Variants in CDH18 observed in about 807,000 individuals in gnomAD.
CDH18 encodes cadherin 18.
Under a neutral mutation model 67.9 loss-of-function variants are expected in CDH18, and 31 were observed. That is an observed-to-expected ratio of 0.46 (90% CI 0.34 to 0.62). The LOEUF (loss-of-function observed/expected upper bound fraction) is 0.62, where lower values mean the gene tolerates loss of function less well. Among genes scored for constraint, CDH18 ranks in the 20% least tolerant of loss-of-function variants. The pLI, the probability that CDH18 is intolerant of heterozygous loss-of-function variation, is 0.01. For synonymous variants in CDH18, 362 were observed against 347.2 expected, an observed-to-expected ratio of 1.04 and a Z score of -0.48; for missense variants, 890 against 975.5, an observed-to-expected ratio of 0.91 and a Z score of 1.17.
At chr5:20,430,459 C>T (rs902562302) in intron 1 of CDH18, among the ~76,000 whole-genome samples, 9 of 152,244 alleles carry the variant, frequency 5.9e-5, no homozygotes, top group African/African-American at 1.9e-4. Context: ...CATCTCACAA[C>T]ACAGGTTTTT....
chr5:20,296,354 G>C (rs981927683), intron 1 of CDH18, among the ~76,000 whole-genome samples: 5 of 151,324 alleles, frequency 3.3e-5, no homozygotes, highest in Admixed American at 6.6e-5. Context: ...CCGGGGTTCA[G>C]GCCATTCTCC....
chr5:20,090,230 T>C (rs1228609133), intron 2 of CDH18, among the ~76,000 whole-genome samples: 1 of 152,182 alleles, frequency 6.6e-6, no homozygotes, highest in African/African-American at 2.4e-5. Flanking sequence ...ATAATTTGAA[T>C]GAAGTATAAA....
intron 7 of CDH18, among the ~76,000 whole-genome samples, chr5:19,583,314 A>G (rs992183469): frequency 1.3e-5 from 2 of 152,134 alleles, no homozygotes; most frequent in African/African-American, 4.8e-5. Context: ...GCATATTTTG[A>G]TAAGTGAAAC....
chr5:19,758,219 A>G (rs796721306), intron 3 of CDH18, among the ~76,000 whole-genome samples: 4 of 152,344 alleles, frequency 2.6e-5, no homozygotes, highest in African/African-American at 9.6e-5. Flanking sequence ...TAGATGGGTC[A>G]GAAAGCAACC....
At chr5:20,171,306 A>G (rs188718760) in intron 2 of CDH18, among the ~76,000 whole-genome samples, 1 of 152,152 alleles carries the variant, frequency 6.6e-6, no homozygotes, top group Non-Finnish European at 1.5e-5. Context: ...TGCTTTCCAC[A>G]GGTTGAACTA....
chr5:19,540,190 G>A (rs1750033456), intron 9 of CDH18, among the ~76,000 whole-genome samples: 1 of 152,076 alleles, frequency 6.6e-6, no homozygotes. Flanking sequence ...CTGAAATCCA[G>A]CAGGGCAGTC....
intron 2 of CDH18, among the ~76,000 whole-genome samples, chr5:20,225,790 G>T (rs895305333): frequency 6.6e-6 from 1 of 152,100 alleles, no homozygotes; most frequent in Non-Finnish European, 1.5e-5. Flanking sequence ...CCACTTCAAT[G>T]GTGTTTTGAT....
intron 1 of CDH18, among the ~76,000 whole-genome samples, chr5:20,364,623 C>G (rs2150075999): frequency 6.6e-6 from 1 of 152,236 alleles, no homozygotes; most frequent in Non-Finnish European, 1.5e-5. Context: ...GTATAGACTT[C>G]CTGTATCTGT....
At chr5:20,549,478 A>G (rs1463264561) in intron 1 of CDH18, among the ~76,000 whole-genome samples, 2 of 152,146 alleles carry the variant, frequency 1.3e-5, no homozygotes, top group Non-Finnish European at 2.9e-5. Context: ...ACCAAGAGAT[A>G]CTCTTAGATT....
chr5:19,486,869 T>C (rs1051631712), intron 11 of CDH18, among the ~76,000 whole-genome samples: 1 of 152,034 alleles, frequency 6.6e-6, no homozygotes, highest in Non-Finnish European at 1.5e-5. Flanking sequence ...AAAATTAATA[T>C]AGGCTGAATA....
At chr5:19,570,185 T>C (rs1380951812) in intron 8 of CDH18, among the ~76,000 whole-genome samples, 1 of 152,106 alleles carries the variant, frequency 6.6e-6, no homozygotes, top group Non-Finnish European at 1.5e-5. Context: ...TGGCATTCTA[T>C]GGAATGTTGA....
intron 1 of CDH18, among the ~76,000 whole-genome samples, chr5:20,394,636 T>G (rs10039914): frequency 0.19 from 29,126 of 151,836 alleles, 3,074 homozygotes; most frequent in African/African-American, 0.26. Context: ...GTCATCAGAG[T>G]GAACATATAA....
At chr5:20,271,648 C>T (rs1307794536) in intron 1 of CDH18, among the ~76,000 whole-genome samples, 1 of 152,014 alleles carries the variant, frequency 6.6e-6, no homozygotes, top group Non-Finnish European at 1.5e-5. Flanking sequence ...CACACTCAAA[C>T]ACACAGGAAG....
At chr5:19,843,852 T>A (rs1208047488) in intron 2 of CDH18, among the ~76,000 whole-genome samples, 2 of 152,208 alleles carry the variant, frequency 1.3e-5, no homozygotes, top group Admixed American at 1.3e-4. Flanking sequence ...AGCTTTAAGA[T>A]TTAATGACTG....
At chr5:20,549,661 A>G (rs989787145) in intron 1 of CDH18, among the ~76,000 whole-genome samples, 1 of 152,142 alleles carries the variant, frequency 6.6e-6, no homozygotes, top group African/African-American at 2.4e-5. Context: ...TTCACTACTG[A>G]GTAAAGAAGG....
intron 1 of CDH18, among the ~76,000 whole-genome samples, chr5:20,474,229 T>C (rs1042983887): frequency 3.9e-5 from 6 of 151,974 alleles, no homozygotes; most frequent in Non-Finnish European, 7.4e-5. Context: ...TGAGCCGAGA[T>C]CCCGCCACTG....
At chr5:20,127,501 T>C (rs1748931721) in intron 2 of CDH18, among the ~76,000 whole-genome samples, 2 of 151,968 alleles carry the variant, frequency 1.3e-5, no homozygotes, top group African/African-American at 4.8e-5. Flanking sequence ...TGAAATCTCA[T>C]TCAGTCTTAA....
chr5:19,614,973 C>T (rs911670714), intron 5 of CDH18, among the ~76,000 whole-genome samples: 1 of 152,026 alleles, frequency 6.6e-6, no homozygotes, highest in African/African-American at 2.4e-5. Flanking sequence ...TGGTGAAACC[C>T]CGTCTCTACT....
At chr5:20,508,431 C>T (rs1754800231) in intron 1 of CDH18, among the ~76,000 whole-genome samples, 1 of 146,520 alleles carries the variant, frequency 6.8e-6, no homozygotes, top group Admixed American at 6.9e-5. Context: ...TTGAGAAGTC[C>T]TGCAGTAATG....
Sources: gnomAD v4.1 joint callset for allele counts (sites outside exome capture counted in the v4.1 genomes callset) on GRCh38, gnomAD v4.1.1 for gene constraint, MANE v1.5 for transcripts, NCBI Gene and HGNC (gene_info 2026-07-23, HGNC 2026-07-21) for gene names.